The following TMEM69 variants were observed in gnomAD, a reference collection of about 807,000 sequenced individuals.
The protein encoded by TMEM69 is transmembrane protein 69.
In TMEM69, 17 loss-of-function variants were observed where a neutral mutation model predicts 15.8. The observed-to-expected ratio is 1.07, with a 90% CI of 0.73 to 1.61. The LOEUF (loss-of-function observed/expected upper bound fraction) is 1.61, where lower values mean the gene tolerates loss of function less well. Ranked by LOEUF, TMEM69 falls within the 40% of genes most tolerant of loss-of-function variation. TMEM69 has a pLI of 0.00. For synonymous variants in TMEM69, 80 were observed against 98.6 expected, an observed-to-expected ratio of 0.81 and a Z score of 1.12; for missense variants, 230 against 286.1, an observed-to-expected ratio of 0.80 and a Z score of 1.41.
Position 45,694,114 on chromosome 1 carries a change from G to C in TMEM69, c.*209G>C. ...CCAAGTTTGCATTTTCGACATTAAAGTTTACTTTTTAGTTAAAAGTTTTAA... is the reference window on the plus strand; with the variant it reads ...CCAAGTTTGCATTTTCGACATTAAACTTTACTTTTTAGTTAAAAGTTTTAA... On this transcript the variant is annotated 3_prime_UTR_variant, in exon 3 of 3. Transcript: ENST00000372025. 2.5e-6 allele frequency: 1 copy of C among 397,942 alleles called. No individual in the cohort carries two copies. Among genetic ancestry groups the C allele is most frequent in the Non-Finnish European group, 4.4e-6 (1 of 227,104 alleles). 24.7% of individuals were successfully genotyped at this position (397,942 alleles called of 1,614,324 possible).
Position 45,693,552 on chromosome 1 carries a change from G to C in TMEM69, c.391G>C (p.Ala131Pro). 6.2e-7 allele frequency: 1 copy of C among 1,614,200 alleles called. No homozygotes were observed. Among genetic ancestry groups the C allele is most frequent in the Non-Finnish European group, 8.5e-7 (1 of 1,180,052 alleles). The change falls in exon 3 of 3, where the codon GCT (alanine) becomes CCT (proline). Residue 131 changes from alanine (A) to proline (P), a missense_variant. Transcript: ENST00000372025. ...YIPILAFTQM[A>P]YGASFLSFLG... ...TCCCATATTAGCTTTTACTCAGATG[G>C]CTTATGGAGCCAGTTTCCTATCTTT...
At chr1:45,690,794 C>G (rs944430898) in intron 1 of TMEM69, among the ~76,000 whole-genome samples, 180 bp from the exon 2 acceptor site, 6 of 152,158 alleles carry the variant, frequency 3.9e-5, no homozygotes, top group African/African-American at 1.4e-4. Context: ...TTACACTAGA[C>G]AGCCAAAGCT....
rs1456109231 is a variant in TMEM69, at chr1:45,691,118, T to G, written c.42+8T>G. The G allele has an allele frequency of 1.4e-5, 22 of 1,614,132 alleles. No homozygotes were observed. Among genetic ancestry groups the G allele is most frequent in the East Asian group, 2.2e-5 (1 of 44,878 alleles). ...TCTCAAGCATCTTCAAAGGTTGGTT[T>G]GTTCAGCAGATATTTGAGCACTATT... On this transcript the variant is annotated splice_region_variant and intron_variant, in intron 2 of 2. Transcript: ENST00000372025.
intron 2 of TMEM69, 104 bp downstream of exon 2, chr1:45,691,214 TG>T (rs1425161766): frequency 3.2e-6 from 3 of 945,908 alleles, no homozygotes; most frequent in Non-Finnish European, 5.1e-6. Context: ...TATATTCAGG[TG>T]ATGGAGGGAA....
intron 1 of TMEM69, among the ~76,000 whole-genome samples, chr1:45,688,819 TAAGTA>T (rs1645321658): frequency 6.6e-6 from 1 of 152,064 alleles, no homozygotes; most frequent in Admixed American, 6.6e-5. Context: ...CTTGCTTCCT[TAAGTA>T]TAGTATGAAG....
At chr1:45,689,774 C>T (rs904410082) in intron 1 of TMEM69, among the ~76,000 whole-genome samples, 35 of 151,964 alleles carry the variant, frequency 2.3e-4, no homozygotes, top group Non-Finnish European at 5.9e-5. Context: ...GGAGGCGAAG[C>T]TTGCAGTGAG....
At position 45,694,090 on chromosome 1, in the gene TMEM69, C is replaced by A; in HGVS notation, c.*185C>A. On this transcript the variant is annotated 3_prime_UTR_variant, in exon 3 of 3. Transcript: ENST00000372025. The stretch of plus-strand genomic sequence containing the variant: ...TGTGTGTGATCTTTTCTGTCTTCCC[C>A]AAGTTTGCATTTTCGACATTAAAGT... 1 of 439,006 alleles carries A rather than the reference C, an allele frequency of 2.3e-6. No homozygotes were observed. Among genetic ancestry groups the A allele is most frequent in the South Asian group, 4.6e-5 (1 of 21,838 alleles). 27.2% of individuals were successfully genotyped at this position (439,006 alleles called of 1,614,324 possible).
At chr1:45,693,111 A>G in intron 2 of TMEM69, 93 bp from the exon 3 acceptor site, 1 of 917,286 alleles carries the variant, frequency 1.1e-6, no homozygotes, top group Non-Finnish European at 1.6e-6. Context: ...CTCCTTTCAA[A>G]CAATCCCCAT....
At position 45,693,369 on chromosome 1, in the gene TMEM69, A is replaced by G; in HGVS notation, c.208A>G (p.Ser70Gly). ...ACAGTGCTATCATACATCCCCCTGC[A>G]GCTTTAAAAAGCAGCAGAAGCAAGC... ...KTQCYHTSPC[S>G]FKKQQKQALL... Residue 70 changes from serine to glycine, a missense_variant, in exon 3 of 3, where the codon AGC becomes GGC. Transcript: ENST00000372025. The G allele has an allele frequency of 1.2e-6, 2 of 1,614,194 alleles. No individual in the cohort carries two copies. Among genetic ancestry groups the G allele is most frequent in the Non-Finnish European group, 1.7e-6 (2 of 1,180,022 alleles).
intron 1 of TMEM69, among the ~76,000 whole-genome samples, chr1:45,690,282 A>G (rs1370227026): frequency 1.3e-5 from 2 of 152,174 alleles, no homozygotes; most frequent in African/African-American, 4.8e-5. Flanking sequence ...CAGTTGGATC[A>G]CCTGAGGTCA....
chr1:45,692,340 A>G (rs1325999818), intron 2 of TMEM69, among the ~76,000 whole-genome samples: 1 of 152,144 alleles, frequency 6.6e-6, no homozygotes, highest in Non-Finnish European at 1.5e-5. Flanking sequence ...CATTCCTAGC[A>G]TGTTTGAGTA....
In TMEM69 at chr1:45,691,008, G is replaced by A. The variant is rs1014312558; in HGVS notation, c.-61G>A. 2 of 1,595,148 alleles carry A rather than the reference G, an allele frequency of 1.3e-6. No homozygotes were observed. The highest frequency in any genetic ancestry group is 8.6e-7 in the Non-Finnish European group (1 of 1,163,270). On this transcript the variant is annotated 5_prime_UTR_variant, in exon 2 of 3. Coordinates refer to ENST00000372025, the MANE Select transcript of TMEM69 (RefSeq NM_016486.4). ...CCTGATTCAGTGCCTCTGCTTAGCT[G>A]TAACATGTTAATCAGAACTACCTGG...
chr1:45,692,843 A>G (rs764956128), intron 2 of TMEM69, among the ~76,000 whole-genome samples: 6 of 152,204 alleles, frequency 3.9e-5, no homozygotes, highest in Non-Finnish European at 7.3e-5. Flanking sequence ...TGCTTTTGCT[A>G]TTTATAAATA....
intron 2 of TMEM69, 61 bp from the exon 3 acceptor site, chr1:45,693,143 A>C (rs1324923572): frequency 1.6e-5 from 20 of 1,286,578 alleles, no homozygotes; most frequent in Non-Finnish European, 2.1e-5. Context: ...GGGATTGACT[A>C]AAATCTGATG....
chr1:45,689,343 T>C (rs1645327620), intron 1 of TMEM69, among the ~76,000 whole-genome samples: 1 of 152,228 alleles, frequency 6.6e-6, no homozygotes, highest in South Asian at 2.1e-4. Context: ...ATTAGAGTTT[T>C]TAATCAGTCC....
At chr1:45,691,136 G>C (rs1326880082) in intron 2 of TMEM69, 26 bp downstream of exon 2, 1 of 1,610,496 alleles carries the variant, frequency 6.2e-7, no homozygotes, top group South Asian at 1.1e-5. Flanking sequence ...AGATATTTGA[G>C]CACTATTTGC....
intron 1 of TMEM69, among the ~76,000 whole-genome samples, chr1:45,690,486 A>C (rs1047451303): frequency 3.9e-5 from 6 of 152,232 alleles, no homozygotes; most frequent in African/African-American, 1.2e-4. Flanking sequence ...TGGGCGACAC[A>C]GCAAGACTCT....
rs1219898940 is a variant in TMEM69, at chr1:45,689,857, A to G, written c.-95-1117A>G. Among the ~76,000 whole-genome samples the G allele has an allele frequency of 2.6e-5, 4 of 151,826 alleles. No individual in the cohort carries two copies. The East Asian group carries it at 5.8e-4, about 22-fold the overall frequency. On this transcript the variant is annotated intron_variant, in intron 1 of 2. Coordinates refer to ENST00000372025, the MANE Select transcript of TMEM69 (RefSeq NM_016486.4). ...CGTCTCAAAAAAAAATTGGCTGGGCATGGTGGCGTGGCCTGTAGTCCCAGC... is the reference window on the plus strand; with the variant it reads ...CGTCTCAAAAAAAAATTGGCTGGGCGTGGTGGCGTGGCCTGTAGTCCCAGC...
At chr1:45,688,947 G>C (rs924423720) in intron 1 of TMEM69, among the ~76,000 whole-genome samples, 3 of 148,184 alleles carry the variant, frequency 2.0e-5, no homozygotes, top group African/African-American at 7.5e-5. Flanking sequence ...ACTGTCTCGT[G>C]GGCTGGAGTG....
Sources: allele counts gnomAD v4.1 joint callset (sites outside exome capture counted in the v4.1 genomes callset), GRCh38; gene constraint gnomAD v4.1.1; transcripts MANE v1.5; gene names NCBI Gene and HGNC (gene_info 2026-07-23, HGNC 2026-07-21).